ZNF217: variants seen among roughly 807,000 people sequenced by gnomAD.
ZNF217 encodes the protein zinc finger protein 217.
In ZNF217, 12 loss-of-function variants were observed where a neutral mutation model predicts 73.3. The observed-to-expected ratio is 0.16, with a 90% CI of 0.10 to 0.27. The LOEUF (loss-of-function observed/expected upper bound fraction) is 0.27, where lower values mean the gene tolerates loss of function less well. ZNF217 is among the 10% of genes least tolerant of loss of function. ZNF217 has a pLI of 1.00. For missense variants in ZNF217, 1,195 were observed against 1,327.8 expected, an observed-to-expected ratio of 0.90 and a Z score of 1.55; for synonymous variants, 588 against 516.4, an observed-to-expected ratio of 1.14 and a Z score of -1.88.
At chr20:53,587,807 G>GT (rs1988749580) in intron 1 of ZNF217, among the ~76,000 whole-genome samples, 1 of 146,704 alleles carries the variant, frequency 6.8e-6, no homozygotes, top group Non-Finnish European at 1.5e-5. Flanking sequence ...TTTACGCACA[G>GT]TATTTTTTCT....
At chr20:53,570,556 C>A (rs1057103533) in intron 5 of ZNF217, 8 of 152,720 alleles carry the variant, frequency 5.2e-5, no homozygotes, top group African/African-American at 1.9e-4. Context: ...CATAGTATAA[C>A]CTGTACACAG....
rs1344099016 is a variant in ZNF217, at chr20:53,581,851, C to A, written c.976G>T (p.Asp326Tyr). Reference protein sequence around the residue: ...SGQEGSTDNDDSSSEKELGET... With the variant: ...SGQEGSTDNDYSSSEKELGET... ...CCAAGCTCCTTCTCGGAACTCGAAT[C>A]GTCGTTGTCGGTGCTCCCTTCTTGC... The change falls in exon 2 of 6, where the codon GAT becomes TAT. Residue 326 changes from aspartate to tyrosine, a missense_variant. Transcript: ENST00000371471. The surrounding 1 kb of genome is among the most constrained non-coding windows in gnomAD (Gnocchi z 4.9). 1 of 1,614,132 alleles carries A rather than the reference C, an allele frequency of 6.2e-7. No homozygotes were observed. Among genetic ancestry groups the A allele is most frequent in the African/African-American group, 1.3e-5 (1 of 74,946 alleles).
At chr20:53,594,410 C>A (rs1187857407), upstream of ZNF217, among the ~76,000 whole-genome samples, 1 of 150,758 alleles carries the variant, frequency 6.6e-6, no homozygotes, top group Admixed American at 6.6e-5. Context: ...CCAGCGCCCA[C>A]GTGACTAGCA....
At chr20:53,589,545 G>A (rs543686119) in intron 1 of ZNF217, among the ~76,000 whole-genome samples, 1 of 152,334 alleles carries the variant, frequency 6.6e-6, no homozygotes, top group South Asian at 2.1e-4. Context: ...GAAGATAGAT[G>A]TGTACAAGAA....
intron 4 of ZNF217, 25 bp downstream of exon 4, chr20:53,575,701 TA>T (rs1391272566): frequency 2.6e-6 from 4 of 1,531,828 alleles, no homozygotes; most frequent in Admixed American, 4.1e-5. Flanking sequence ...GGCAGCCATT[TA>T]AACACGACGC....
intron 1 of ZNF217, among the ~76,000 whole-genome samples, chr20:53,587,517 T>C (rs1033630995): frequency 2.2e-4 from 34 of 152,232 alleles, no homozygotes; most frequent in Admixed American, 5.2e-4. Context: ...CAGGTTATCT[T>C]ACATTGTTGA....
At chr20:53,585,302 A>G (rs116003450) in intron 1 of ZNF217, among the ~76,000 whole-genome samples, 5,123 of 152,186 alleles carry the variant, frequency 0.034, 201 homozygotes, top group East Asian at 0.15. Flanking sequence ...GCTCACACCT[A>G]TACTCCCAAT....
At chr20:53,585,095 G>GAAAAAAAAAAAAAA (rs748460021) in intron 1 of ZNF217, among the ~76,000 whole-genome samples, 1 of 46,960 alleles carries the variant, frequency 2.1e-5, no homozygotes, top group African/African-American at 7.6e-5. Flanking sequence ...GTGAGAATTT[G>GAAAAAAAAAAAAAA]AAAAAAAAAA....
At chr20:53,577,527 G>A (rs1488486567) in intron 3 of ZNF217, among the ~76,000 whole-genome samples, 1 of 152,046 alleles carries the variant, frequency 6.6e-6, no homozygotes, top group Non-Finnish European at 1.5e-5. Flanking sequence ...ACAGCCCTAG[G>A]GAAATATGTA....
chr20:53,575,517 A>C (rs773344543), intron 4 of ZNF217: 114 of 486,034 alleles, frequency 2.3e-4, no homozygotes, highest in Non-Finnish European at 3.5e-4. Context: ...TAAAATACAC[A>C]GGGTTAAGAG....
At chr20:53,594,141 TGCGCACGGGGGCAAAGGCGCGGGC>T (rs1988990135), upstream of ZNF217, among the ~76,000 whole-genome samples, 1 of 126,286 alleles carries the variant, frequency 7.9e-6, no homozygotes, top group Non-Finnish European at 1.6e-5. Context: ...GGGGCGGGGG[TGCGCACGGGGGCAAAGGCGCGGGC>T]GCCCCCTACT....
chr20:53,577,105 T>C lies in ZNF217; in HGVS notation c.1659A>G (p.Gln553=), dbSNP rs752565233. The change falls in exon 4 of 6, where the codon CAA becomes CAG. Residue 553 remains glutamine (Q), a synonymous_variant. Coordinates refer to ENST00000371471, the MANE Select transcript of ZNF217 (RefSeq NM_006526.3). ...CAAAAAATCTTTTCAAATTTTTGGT[T>C]TGCGCACTGTCAGCGGTTAATAGTG... ...EDALLTADSA[Q]TKNLKRFFDG... 1.2e-6 allele frequency: 2 copies of C among 1,614,238 alleles called. No individual in the cohort carries two copies. Among genetic ancestry groups the C allele is most frequent in the South Asian group, 2.2e-5 (2 of 91,088 alleles).
chr20:53,585,275 T>C (rs1230223933), intron 1 of ZNF217, among the ~76,000 whole-genome samples: 1 of 152,098 alleles, frequency 6.6e-6, no homozygotes, highest in Admixed American at 6.6e-5. Context: ...AAATATGATG[T>C]GAGGACGGGT....
chr20:53,586,859 G>A (rs1038457031), intron 1 of ZNF217, among the ~76,000 whole-genome samples: 18 of 152,308 alleles, frequency 1.2e-4, no homozygotes, highest in African/African-American at 3.8e-4. Flanking sequence ...TAAACCGATG[G>A]CACTGCTGAT....
upstream of ZNF217, among the ~76,000 whole-genome samples, chr20:53,596,737 C>T (rs925627835): frequency 7.2e-5 from 11 of 152,036 alleles, no homozygotes; most frequent in Non-Finnish European, 1.0e-4. Context: ...AATCCAGCTT[C>T]GCCATCACTC....
At position 53,576,553 on chromosome 20, in the gene ZNF217, A is replaced by G. The variant is rs1988280245; in HGVS notation, c.2211T>C (p.Pro737=). The G allele has an allele frequency of 6.2e-7, 1 of 1,614,112 alleles. No individual in the cohort carries two copies. The highest frequency in any genetic ancestry group is 8.5e-7 in the Non-Finnish European group (1 of 1,180,050). ...TGTTTCGACAGTTTTTATGAACGTC[A>G]GGATTGTATTTATGCTCCAGTCTCT... is the stretch of plus-strand genomic sequence containing the variant. ...MHQRLEHKYN[P]DVHKNCRNKS... The change falls in exon 4 of 6, where the codon CCT becomes CCC. Residue 737 remains proline, a synonymous_variant. Coordinates refer to ENST00000371471, the MANE Select transcript of ZNF217 (RefSeq NM_006526.3).
chr20:53,582,221 G>A lies in ZNF217; in HGVS notation c.606C>T (p.Val202=), dbSNP rs531073266. The A allele has an allele frequency of 3.2e-5, 52 of 1,614,074 alleles. No homozygotes were observed. The highest frequency in any genetic ancestry group is 1.1e-4 in the African/African-American group (8 of 75,062). Residue 202 remains valine (V), a synonymous_variant, in exon 2 of 6, where the codon GTC becomes GTT. Transcript: ENST00000371471. This position sits in a 1 kb window ranked among gnomAD's most constrained non-coding sequence, Gnocchi z 4.8. ...LESSPATINE[V]VQVHAAESIS... is the part of the protein sequence containing the mutation. ...TGCTCTCGGCCGCGTGCACCTGGAC[G>A]ACCTCGTTGATCGTTGCTGGACTAC...
intron 1 of ZNF217, among the ~76,000 whole-genome samples, chr20:53,584,758 T>C (rs1988629435): frequency 6.6e-6 from 1 of 152,230 alleles, no homozygotes; most frequent in Non-Finnish European, 1.5e-5. Flanking sequence ...AATATTCAAT[T>C]ACTCTGCTAA....
upstream of ZNF217, among the ~76,000 whole-genome samples, chr20:53,594,142 G>A (rs1325875511): frequency 3.3e-5 from 5 of 151,582 alleles, no homozygotes; most frequent in East Asian, 2.0e-4. Context: ...GGGCGGGGGT[G>A]CGCACGGGGG....
Sources: allele counts gnomAD v4.1 joint callset (sites outside exome capture counted in the v4.1 genomes callset), GRCh38; gene constraint gnomAD v4.1.1; non-coding constraint Gnocchi (gnomAD v3.1); transcripts MANE v1.5; gene names NCBI Gene and HGNC (gene_info 2026-07-23, HGNC 2026-07-21).